The following GCA variants were observed in gnomAD, a reference collection of about 807,000 sequenced individuals.
The protein encoded by GCA is grancalcin, EF-hand calcium-binding protein.
Under a neutral mutation model 32.6 loss-of-function variants are expected in GCA, and 30 were observed. The observed-to-expected ratio is 0.92, with a 90% CI of 0.69 to 1.25. GCA has a LOEUF of 1.25. Ranked by LOEUF, GCA falls within the 50% of genes most tolerant of loss-of-function variation. The pLI is 0.00. For synonymous variants in GCA, 102 were observed against 84.6 expected, an observed-to-expected ratio of 1.21 and a Z score of -1.13; for missense variants, 291 against 266.8, an observed-to-expected ratio of 1.09 and a Z score of -0.63.
chr2:162,337,140 G>A (rs535463588), intron 1 of GCA, among the ~76,000 whole-genome samples: 12 of 152,262 alleles, frequency 7.9e-5, no homozygotes, highest in Admixed American at 4.6e-4. Context: ...TGTGGACTGC[G>A]TCAATGAGCT....
chr2:162,322,735 A>C lies in GCA; in HGVS notation c.-31+3510A>C, dbSNP rs1264021512. 2.6e-5 allele frequency among the ~76,000 whole-genome samples: 4 copies of C among 151,136 alleles called. No individual in the cohort carries two copies. In the South Asian group the frequency reaches 6.3e-4, roughly 24 times the overall value. On this transcript the variant is annotated intron_variant, in intron 1 of 4. Transcript: ENST00000429691. Reference sequence around the variant, plus strand: ...ATCCATGTCCCTACAAAGGACATGAACTCATCATTTTTTATGGCTGCATAG... The same window carrying C: ...ATCCATGTCCCTACAAAGGACATGACCTCATCATTTTTTATGGCTGCATAG...
chr2:162,344,367 T>C, intron 1 of GCA, 92 bp downstream of exon 1: 2 of 1,253,602 alleles, frequency 1.6e-6, no homozygotes, highest in East Asian at 2.4e-5. Flanking sequence ...CCTTGGCTCC[T>C]GCTCCCTGCG....
At chr2:162,356,532 T>A in intron 4 of GCA, 51 bp downstream of exon 4, 1 of 1,150,584 alleles carries the variant, frequency 8.7e-7, no homozygotes, top group Non-Finnish European at 1.3e-6. Flanking sequence ...AATTGCTTTC[T>A]GACTATCAAG....
chr2:162,372,142 A>G, downstream of GCA: 1 of 1,439,328 alleles, frequency 6.9e-7, no homozygotes, highest in Non-Finnish European at 9.6e-7. Flanking sequence ...ACATTGATAG[A>G]TAGTCATTGA....
At position 162,361,961 on chromosome 2, in the gene GCA, G is replaced by T. The variant is rs933961318; in HGVS notation, c.*1718G>T. ...CGATTATGATTATCTCTCTTACTTG[G>T]AGGCTCACAGTTGAGGTAAAACTTT... On this transcript the variant is annotated 3_prime_UTR_variant, in exon 8 of 8. Transcript: ENST00000437150. 5 of 983,298 alleles carry T rather than the reference G, an allele frequency of 5.1e-6. No homozygotes were observed. The African/African-American group carries it at 8.8e-5, about 17-fold the overall frequency. 60.9% of individuals were successfully genotyped at this position (983,298 alleles called of 1,614,324 possible). A position where few individuals can be genotyped will look rare whatever the true frequency, so the allele number is the denominator to read the frequency against.
intron 1 of GCA, among the ~76,000 whole-genome samples, chr2:162,323,806 C>T (rs1396085752): frequency 6.6e-6 from 1 of 151,912 alleles, no homozygotes; most frequent in Non-Finnish European, 1.5e-5. Context: ...GTTTTGGTTA[C>T]TGTAGCCTTG....
downstream of GCA, among the ~76,000 whole-genome samples, chr2:162,374,016 TC>T (rs1686067102): frequency 6.6e-6 from 1 of 152,230 alleles, no homozygotes; most frequent in Admixed American, 6.5e-5. Context: ...TTACTCAGTT[TC>T]TTGTGAACAT....
chr2:162,344,703 G>A (rs1453072575), intron 1 of GCA, among the ~76,000 whole-genome samples: 2 of 151,366 alleles, frequency 1.3e-5, no homozygotes, highest in Non-Finnish European at 2.9e-5. Flanking sequence ...TAAGGTGTAC[G>A]GTAAATAACT....
chr2:162,331,521 A>T (rs538226136), intron 1 of GCA, among the ~76,000 whole-genome samples: 84 of 152,312 alleles, frequency 5.5e-4, no homozygotes, highest in African/African-American at 2.0e-3. Flanking sequence ...GCTGTGGCCT[A>T]GTGGGCAGGA....
rs1685619572 is a variant in GCA, at chr2:162,362,530, A to T, written c.*2287A>T. On this transcript the variant is annotated 3_prime_UTR_variant, in exon 8 of 8. Transcript: ENST00000437150. ...CAGTTCTTTTACGATGATGTAAATT[A>T]TTGAATAATGTACACTCTTAATGTA... 1.0e-6 allele frequency: 1 copy of T among 967,200 alleles called. No individual in the cohort carries two copies. The highest frequency in any genetic ancestry group is 1.2e-6 in the Non-Finnish European group (1 of 813,630). 59.9% of individuals were successfully genotyped at this position (967,200 alleles called of 1,614,324 possible).
chr2:162,322,206 T>C (rs1683697054), intron 1 of GCA, among the ~76,000 whole-genome samples: 2 of 150,824 alleles, frequency 1.3e-5, no homozygotes, highest in Non-Finnish European at 2.9e-5. Context: ...TAAAAACTTT[T>C]CTACATAGCA....
chr2:162,335,495 G>A (rs1042544780), intron 1 of GCA, among the ~76,000 whole-genome samples: 4 of 152,092 alleles, frequency 2.6e-5, no homozygotes, highest in Non-Finnish European at 5.9e-5. Context: ...TTAAGGTTGG[G>A]TTAAGGGTTG....
rs7589119 is a variant in GCA, at chr2:162,355,821, T to G, written c.263-617T>G. Among the ~76,000 whole-genome samples, 1,003 of 151,666 alleles carry G rather than the reference T, an allele frequency of 6.6e-3. 37 individuals are homozygous for G. The East Asian group carries it at 0.082, about 12-fold the overall frequency. Reference sequence around the variant, plus strand: ...TTCTTACTTGGTCTATTACAATAAATTACCAATGGACTTACCTATTTCCAA... The same window carrying G: ...TTCTTACTTGGTCTATTACAATAAAGTACCAATGGACTTACCTATTTCCAA... On this transcript the variant is annotated intron_variant, in intron 3 of 7. Transcript: ENST00000437150.
intron 4 of GCA, chr2:162,371,288 TTG>T: frequency 6.3e-6 from 8 of 1,264,520 alleles, no homozygotes; most frequent in Non-Finnish European, 8.3e-6. Context: ...AACTCAAACT[TTG>T]TATTTTTTCT....
chr2:162,323,706 A>T (rs952599152), intron 1 of GCA, among the ~76,000 whole-genome samples: 1 of 151,856 alleles, frequency 6.6e-6, no homozygotes, highest in Non-Finnish European at 1.5e-5. Context: ...TTTGTCAAAG[A>T]TCAGATAGTT....
chr2:162,373,713 T>G, downstream of GCA: 1 of 1,294,212 alleles, frequency 7.7e-7, no homozygotes, highest in Non-Finnish European at 1.0e-6. Flanking sequence ...GTCCAGAATT[T>G]CAGGAGCATT....
chr2:162,329,668 A>G (rs1031038248), intron 1 of GCA, among the ~76,000 whole-genome samples: 1 of 150,966 alleles, frequency 6.6e-6, no homozygotes, highest in African/African-American at 2.4e-5. Flanking sequence ...TTTTATTATA[A>G]TAATAATAAT....
chr2:162,374,140 CTG>C (rs535795220), downstream of GCA, among the ~76,000 whole-genome samples: 3 of 152,292 alleles, frequency 2.0e-5, no homozygotes, highest in South Asian at 6.2e-4. Flanking sequence ...AACCTTACCT[CTG>C]TCCTATTCAT....
At chr2:162,339,879 G>T (rs1473682303), upstream of GCA, among the ~76,000 whole-genome samples, 1 of 152,200 alleles carries the variant, frequency 6.6e-6, no homozygotes, top group Non-Finnish European at 1.5e-5. Context: ...TGTTATGGCA[G>T]CCTGAGCTAA....
Sources: gnomAD v4.1 joint callset for allele counts (sites outside exome capture counted in the v4.1 genomes callset) on GRCh38, gnomAD v4.1.1 for gene constraint, MANE v1.5 for transcripts, NCBI Gene and HGNC (gene_info 2026-07-23, HGNC 2026-07-21) for gene names.